Variants in ZZEF1 observed in about 807,000 individuals in gnomAD.
The protein encoded by ZZEF1 is zinc finger ZZ-type and EF-hand domain containing 1, also known as zinc finger ZZ-type and EF-hand domain-containing protein 1.
ZZEF1 carries 157 observed loss-of-function variants against 342.8 expected under a neutral mutation model. The ratio of observed to expected loss-of-function variants is 0.46; its 90% confidence interval spans 0.40 to 0.52. The LOEUF (loss-of-function observed/expected upper bound fraction) is 0.52. Ranked by LOEUF, ZZEF1 falls within the 20% of genes least tolerant of loss-of-function variation. The pLI, the probability that ZZEF1 is intolerant of heterozygous loss-of-function variation, is 0.00. For synonymous variants in ZZEF1, 1,505 were observed against 1,429.1 expected (o/e 1.05, Z -1.20); for missense variants, 3,480 against 3,725.6 (o/e 0.93, Z 1.72).
intron 25 of ZZEF1, chr17:4,071,568 A>G (rs1277196931): frequency 1.3e-5 from 2 of 152,520 alleles, no homozygotes; most frequent in East Asian, 3.9e-4. Context: ...GGGCCCGGAT[A>G]AAGATGCAGA....
Position 4,064,755 on chromosome 17 carries a change from C to A in ZZEF1, c.4324G>T (p.Glu1442Ter), listed in dbSNP as rs768314692. ...GTTTCATCAGCAGTCTCCAACTTTT[C>A]GCAGCTTTCTTTTGAACTTATGCCC... ...PTGISSKESCEKLETADETSH... is the reference protein window; with the variant it reads ...PTGISSKESC The change falls in exon 29 of 55, where the codon GAA (glutamate) becomes TAA (stop). Residue 1442 changes from glutamate to a stop codon, truncating the protein, a stop_gained. Coordinates refer to ENST00000381638, the MANE Select transcript of ZZEF1 (RefSeq NM_015113.4). LOFTEE classifies it high-confidence loss of function. 6.2e-7 allele frequency: 1 copy of A among 1,613,536 alleles called. No individual in the cohort carries two copies. Among genetic ancestry groups the A allele is most frequent in the South Asian group, 1.1e-5 (1 of 91,082 alleles).
rs1012377000 is a variant in ZZEF1, at chr17:4,142,987, G to A, written c.-92C>T. ...CCTCCGACAGCAGCTGGCGGGCGGG[G>A]ACGCGGAGGAGACGACGGCGGCCCC... On this transcript the variant is annotated 5_prime_UTR_variant, in exon 1 of 55. Coordinates refer to ENST00000381638, the MANE Select transcript of ZZEF1 (RefSeq NM_015113.4). The A allele has an allele frequency of 1.8e-5, 23 of 1,268,116 alleles. No homozygotes were observed. The highest frequency in any genetic ancestry group is 1.7e-4 in the Admixed American group (4 of 23,686). 78.6% of individuals were successfully genotyped at this position (1,268,116 alleles called of 1,614,324 possible).
chr17:4,018,612 G>C (rs528493163), intron 46 of ZZEF1, among the ~76,000 whole-genome samples: 63 of 152,282 alleles, frequency 4.1e-4, no homozygotes, highest in South Asian at 1.2e-3. Flanking sequence ...GTTACAGCCT[G>C]GTGTTTGCCT....
At chr17:4,109,975 G>A in intron 5 of ZZEF1, 112 bp from the exon 6 acceptor site, 1 of 956,026 alleles carries the variant, frequency 1.0e-6, no homozygotes, top group Non-Finnish European at 1.6e-6. Flanking sequence ...AATTCTGAAG[G>A]TACACTTTGA....
At chr17:4,112,462 T>C (rs2058329280) in intron 5 of ZZEF1, 147 bp downstream of exon 5, 1 of 895,856 alleles carries the variant, frequency 1.1e-6, no homozygotes, top group Admixed American at 2.1e-5. Context: ...CTATAATTTC[T>C]ACAACACTTA....
chr17:4,114,385 G>T lies in ZZEF1; in HGVS notation c.780C>A (p.Ser260=). 6.2e-7 allele frequency: 1 copy of T among 1,612,024 alleles called. No homozygotes were observed. Among genetic ancestry groups the T allele is most frequent in the South Asian group, 1.1e-5 (1 of 90,512 alleles). The change falls in exon 4 of 55, where the codon TCC becomes TCA. Residue 260 remains serine, a synonymous_variant. Coordinates refer to ENST00000381638, the MANE Select transcript of ZZEF1 (RefSeq NM_015113.4). ...AKCYAYIETS[S]NSADIDKMTN... ...TCATCTTGTCAATGTCTGCCGAGTT[G>T]GAGGATGTTTCTATATAAGCATAGC...
At chr17:4,102,698 A>G (rs1324429240) in intron 8 of ZZEF1, among the ~76,000 whole-genome samples, 1 of 152,236 alleles carries the variant, frequency 6.6e-6, no homozygotes, top group African/African-American at 2.4e-5. Context: ...ACATAGGTTG[A>G]TAACATAGAT....
intron 2 of ZZEF1, among the ~76,000 whole-genome samples, chr17:4,123,390 G>A (rs1373070197): frequency 3.4e-5 from 5 of 146,938 alleles, no homozygotes; most frequent in Non-Finnish European, 7.5e-5. Context: ...AACATCTCCC[G>A]CATGGGTAAG....
Position 4,054,206 on chromosome 17 carries a change from A to C in ZZEF1, c.5296-11T>G, listed in dbSNP as rs766421874. On this transcript the variant is annotated splice_polypyrimidine_tract_variant and intron_variant, in intron 33 of 54. Transcript: ENST00000381638. ...AATGAACATGTGCATCTGTAAGGCC[A>C]AACATATACAATTAACTGATAGATT... 6.2e-7 allele frequency: 1 copy of C among 1,606,352 alleles called. No individual in the cohort carries two copies. The highest frequency in any genetic ancestry group is 1.1e-5 in the South Asian group (1 of 89,342).
In ZZEF1 at chr17:4,006,878, C is replaced by T. The variant is rs1396312052; in HGVS notation, c.*12G>A. ...GGCAGATGAACTAGTCCCATGCACG[C>T]CCCACCAAGGGCTAACACTCCACAT... is the stretch of plus-strand genomic sequence containing the variant. On this transcript the variant is annotated 3_prime_UTR_variant, in exon 55 of 55. Coordinates refer to ENST00000381638, the MANE Select transcript of ZZEF1 (RefSeq NM_015113.4). 1 of 1,575,596 alleles carries T rather than the reference C, an allele frequency of 6.3e-7. No homozygotes were observed. The highest frequency in any genetic ancestry group is 8.6e-7 in the Non-Finnish European group (1 of 1,159,060).
Position 4,004,673 on chromosome 17 carries a change from A to G in ZZEF1, c.*2217T>C, listed in dbSNP as rs955801910. 2.0e-5 allele frequency: 3 copies of G among 152,486 alleles called. No individual in the cohort carries two copies. The highest frequency in any genetic ancestry group is 7.2e-5 in the African/African-American group (3 of 41,470). The allele number at this position is 152,486 out of a possible 1,614,324, so 9.4% of individuals were successfully genotyped here. A position where few individuals can be genotyped will look rare whatever the true frequency, so the allele number is the denominator to read the frequency against. On this transcript the variant is annotated 3_prime_UTR_variant, in exon 55 of 55. Coordinates refer to ENST00000381638, the MANE Select transcript of ZZEF1 (RefSeq NM_015113.4). ...AACAGTGTCTGTTTGTACAACAGGT[A>G]TGCTCTGGAACAGGATTTCTTTACA...
At chr17:4,009,359 A>G in intron 53 of ZZEF1, 1 of 598,182 alleles carries the variant, frequency 1.7e-6, no homozygotes, top group Non-Finnish European at 3.0e-6. Flanking sequence ...TCAAGGGCTG[A>G]TCCCGGGCAG....
In ZZEF1 at chr17:4,048,775, G is replaced by A. The variant is rs149899932; in HGVS notation, c.6015+933C>T. On this transcript the variant is annotated intron_variant, in intron 37 of 54. Transcript: ENST00000381638. ...GTCGCCCAGTTTGGAGTGCAGTGGCGCCATCTTGGCTCACTGCAACCTCCG... is the reference window on the plus strand; with the variant it reads ...GTCGCCCAGTTTGGAGTGCAGTGGCACCATCTTGGCTCACTGCAACCTCCG... Among the ~76,000 whole-genome samples the A allele has an allele frequency of 1.2e-4, 18 of 151,836 alleles. No homozygotes were observed. In the East Asian group the frequency reaches 3.1e-3, roughly 26 times the overall value.
At chr17:4,116,874 A>G (rs986808934) in intron 3 of ZZEF1, 98 bp downstream of exon 3, 14 of 1,281,592 alleles carry the variant, frequency 1.1e-5, no homozygotes, top group East Asian at 2.5e-5. Flanking sequence ...CTGTATTTTC[A>G]GAAATGAAGG....
chr17:4,009,570 G>T, intron 53 of ZZEF1, 34 bp downstream of exon 53: 1 of 1,610,820 alleles, frequency 6.2e-7, no homozygotes, highest in Non-Finnish European at 8.5e-7. Context: ...GCACATGGAG[G>T]CACCGGGCTC....
At chr17:4,083,962 CAAT>C (rs1435705139) in intron 16 of ZZEF1, among the ~76,000 whole-genome samples, 4 of 152,276 alleles carry the variant, frequency 2.6e-5, no homozygotes, top group Middle Eastern at 3.4e-3. Flanking sequence ...ACTACACAGA[CAAT>C]AAAAAGTAAT....
At chr17:4,043,437 G>A (rs921990853) in intron 38 of ZZEF1, among the ~76,000 whole-genome samples, 2 of 152,182 alleles carry the variant, frequency 1.3e-5, no homozygotes, top group Non-Finnish European at 2.9e-5. Context: ...GATAGAGAGG[G>A]CAGAAGGCCA....
chr17:4,016,434 C>T lies in ZZEF1; in HGVS notation c.8034G>A (p.Glu2678=), dbSNP rs377245957. The change falls in exon 49 of 55, where the codon GAG becomes GAA. Residue 2678 remains glutamate, a synonymous_variant. Transcript: ENST00000381638. This position sits in a 1 kb window ranked among gnomAD's most constrained non-coding sequence, Gnocchi z 4.4. The part of the protein sequence containing the change: ...ILQKVLQGCR[E]DMLGTMALAA... ...CCAGGGCCATGGTCCCCAGCATGTC[C>T]TCTCGGCAGCCCTGGAGCACTTTCT... The T allele has an allele frequency of 6.2e-7, 1 of 1,613,566 alleles. No individual in the cohort carries two copies. Among genetic ancestry groups the T allele is most frequent in the African/African-American group, 1.3e-5 (1 of 75,054 alleles).
Position 4,143,006 on chromosome 17 carries a change from C to T in ZZEF1, c.-111G>A, listed in dbSNP as rs1771529176. On this transcript the variant is annotated 5_prime_UTR_variant, in exon 1 of 55. Coordinates refer to ENST00000381638, the MANE Select transcript of ZZEF1 (RefSeq NM_015113.4). ...GGCGGGGACGCGGAGGAGACGACGG[C>T]GGCCCCTGCGGCTTCCGGCTTCCTG... The T allele has an allele frequency of 3.2e-6, 4 of 1,267,692 alleles. No individual in the cohort carries two copies. The highest frequency in any genetic ancestry group is 4.0e-6 in the Non-Finnish European group (4 of 1,011,348). 78.5% of individuals were successfully genotyped at this position (1,267,692 alleles called of 1,614,324 possible).
Sources: gnomAD v4.1 joint callset for allele counts (sites outside exome capture counted in the v4.1 genomes callset) on GRCh38, gnomAD v4.1.1 for gene constraint, Gnocchi (gnomAD v3.1) non-coding constraint, MANE v1.5 for transcripts, NCBI Gene and HGNC (gene_info 2026-07-23, HGNC 2026-07-21) for gene names.